Variants in RSPO4 observed in about 807,000 individuals in gnomAD.
RSPO4 encodes R-spondin-4.
Under a neutral mutation model 24.8 loss-of-function variants are expected in RSPO4, and 23 were observed. The observed-to-expected ratio is 0.93, with a 90% confidence interval of 0.67 to 1.31. The LOEUF is 1.31. Ranked by LOEUF, RSPO4 falls within the 40% of genes most tolerant of loss-of-function variation. The pLI is 0.00. For missense variants in RSPO4, 333 were observed against 316.5 expected, an observed-to-expected ratio of 1.05 and a Z score of -0.39; for synonymous variants, 141 against 127.4, an observed-to-expected ratio of 1.11 and a Z score of -0.72.
chr20:999,833 GA>G (rs1985406508), intron 1 of RSPO4, among the ~76,000 whole-genome samples: 1 of 152,096 alleles, frequency 6.6e-6, no homozygotes, highest in Non-Finnish European at 1.5e-5. Context: ...TTTGAGCTGA[GA>G]AGCATCTTAA....
chr20:968,397 C>T (rs753398159), intron 1 of RSPO4, among the ~76,000 whole-genome samples: 8 of 152,224 alleles, frequency 5.3e-5, no homozygotes, highest in Non-Finnish European at 8.8e-5. Context: ...CTTGTCGTCC[C>T]CTCATCCTTT....
At chr20:996,896 C>T (rs1256444372) in intron 1 of RSPO4, among the ~76,000 whole-genome samples, 2 of 152,204 alleles carry the variant, frequency 1.3e-5, no homozygotes, top group Non-Finnish European at 2.9e-5. Flanking sequence ...ACCTTACTGC[C>T]ACCTCTGCCT....
At chr20:1,000,327 T>A (rs1985422622) in intron 1 of RSPO4, among the ~76,000 whole-genome samples, 1 of 152,194 alleles carries the variant, frequency 6.6e-6, no homozygotes. Context: ...AGTTTCCTTC[T>A]CTGAACCTCA....
intron 1 of RSPO4, among the ~76,000 whole-genome samples, chr20:984,621 C>A (rs1342115431): frequency 6.6e-6 from 1 of 152,192 alleles, no homozygotes; most frequent in African/African-American, 2.4e-5. Flanking sequence ...TCACACCTGG[C>A]ACAAAGTGAG....
At chr20:973,164 A>G (rs1984459785) in intron 1 of RSPO4, among the ~76,000 whole-genome samples, 1 of 148,632 alleles carries the variant, frequency 6.7e-6, no homozygotes. Flanking sequence ...GCCTGGGGCC[A>G]TGGGGGTGAG....
At position 960,428 on chromosome 20, in the gene RSPO4, G is replaced by A. The variant is rs202178299; in HGVS notation, c.634C>T (p.Arg212Cys). ...PGQKKGRKDR[R>C]PRKDRKLDRR... ...TCCAGCTTCCTGTCCTTGCGTGGGCGCCGGTCCTTCCTGCCCTTCTTCTGG... is the reference window on the plus strand; with the variant it reads ...TCCAGCTTCCTGTCCTTGCGTGGGCACCGGTCCTTCCTGCCCTTCTTCTGG... The change falls in exon 5 of 5, where the codon CGC (arginine) becomes TGC (cysteine). Residue 212 changes from arginine (R) to cysteine (C), a missense_variant. By Grantham distance (180) the Arg-to-Cys change is radical. Transcript: ENST00000217260. The A allele has an allele frequency of 3.8e-5, 58 of 1,539,634 alleles. No individual in the cohort carries two copies. The East Asian group carries it at 4.9e-4, about 13-fold the overall frequency.
At chr20:996,781 C>G (rs148095954) in intron 1 of RSPO4, among the ~76,000 whole-genome samples, 132 of 152,254 alleles carry the variant, frequency 8.7e-4, no homozygotes, top group African/African-American at 3.1e-3. Flanking sequence ...CCCTCCATGA[C>G]GGGACTCTGG....
chr20:988,034 T>C (rs4813889), intron 1 of RSPO4, among the ~76,000 whole-genome samples: 48,557 of 152,232 alleles, frequency 0.32, 13,232 homozygotes, highest in African/African-American at 0.74. Flanking sequence ...GGGCCTGGGC[T>C]GCCTGGAAGG....
chr20:973,451 T>TTTTA (rs1984469852), intron 1 of RSPO4, among the ~76,000 whole-genome samples: 1 of 111,752 alleles, frequency 8.9e-6, no homozygotes. Context: ...TTGTTTTTTG[T>TTTTA]TTGTTTTATT....
rs141641562 is a variant in RSPO4 at position 970,354 on chromosome 20, C to G, written c.80-2216G>C. On this transcript the variant is annotated intron_variant, in intron 1 of 4. Coordinates refer to ENST00000217260, the MANE Select transcript of RSPO4 (RefSeq NM_001029871.4). This position sits in a 1 kb window ranked among gnomAD's most constrained non-coding sequence, Gnocchi z 4.1. ...GTCCTCACCTTCTGTTCCTTAGATT[C>G]GGTGAGGCCCCACATCCTGCTGATA... 3.2e-4 allele frequency among the ~76,000 whole-genome samples: 49 copies of G among 152,208 alleles called. No individual in the cohort carries two copies. The East Asian group carries it at 6.8e-3, about 21-fold the overall frequency.
At chr20:971,393 G>A (rs79484959) in intron 1 of RSPO4, among the ~76,000 whole-genome samples, 3,607 of 152,330 alleles carry the variant, frequency 0.024, 55 homozygotes, top group Non-Finnish European at 0.034. Flanking sequence ...TTGTATATGT[G>A]TAGAAAGAGA....
intron 3 of RSPO4, among the ~76,000 whole-genome samples, chr20:965,013 C>T (rs1416645751): frequency 1.3e-5 from 2 of 151,980 alleles, no homozygotes; most frequent in African/African-American, 4.8e-5. Flanking sequence ...CACAGTGGGA[C>T]CCAGACCTTG....
At chr20:985,861 G>T (rs1884114) in intron 1 of RSPO4, among the ~76,000 whole-genome samples, 24,487 of 152,228 alleles carry the variant, frequency 0.16, 2,827 homozygotes, top group East Asian at 0.36. Context: ...CTATGAACCA[G>T]AGGGAAACAG....
chr20:1,000,369 C>G (rs1219877793), intron 1 of RSPO4, among the ~76,000 whole-genome samples: 1 of 152,180 alleles, frequency 6.6e-6, no homozygotes, highest in African/African-American at 2.4e-5. Context: ...GCATCTCTCC[C>G]CTCCCTCCAC....
chr20:978,827 T>A (rs534788902), intron 1 of RSPO4, among the ~76,000 whole-genome samples: 1 of 152,000 alleles, frequency 6.6e-6, no homozygotes, highest in Non-Finnish European at 1.5e-5. Context: ...TACAAGATGA[T>A]ATTGTACTCA....
chr20:967,252 A>T lies in RSPO4; in HGVS notation c.331T>A (p.Phe111Ile). 1.2e-6 allele frequency: 2 copies of T among 1,614,182 alleles called. No individual in the cohort carries two copies. The highest frequency in any genetic ancestry group is 1.7e-6 in the Non-Finnish European group (2 of 1,180,040). ...AGACACTTCCCCTTGTACAAGTAAA[A>T]CTGCCTCTTGCACCGGATGCAGAAG... ...QDFCIRCKRQ[F>I]YLYKGKCLPT... Residue 111 changes from phenylalanine to isoleucine, a missense_variant, in exon 3 of 5, where the codon TTT becomes ATT. By Grantham distance (21) the Phe-to-Ile change is conservative. Coordinates refer to ENST00000217260, the MANE Select transcript of RSPO4 (RefSeq NM_001029871.4).
chr20:969,137 G>A (rs747051552), intron 1 of RSPO4, among the ~76,000 whole-genome samples: 2 of 152,162 alleles, frequency 1.3e-5, no homozygotes, highest in African/African-American at 2.4e-5. Context: ...ACAATATGGC[G>A]AGGCCCTGTC....
At position 970,616 on chromosome 20, in the gene RSPO4, G is replaced by C. The variant is rs981399492; in HGVS notation, c.80-2478C>G. Among the ~76,000 whole-genome samples, 6 of 152,098 alleles carry C rather than the reference G, an allele frequency of 3.9e-5. No homozygotes were observed. The highest frequency in any genetic ancestry group is 1.4e-4 in the African/African-American group (6 of 41,404). ...AGAGAGCAAGTGTGATGTTGTAAGG[G>C]AGATTCCCAGAGCCAGAGAAATAAG... On this transcript the variant is annotated intron_variant, in intron 1 of 4. Transcript: ENST00000217260. This position sits in a 1 kb window ranked among gnomAD's most constrained non-coding sequence, Gnocchi z 4.1.
chr20:973,205 A>G (rs925324528), intron 1 of RSPO4, among the ~76,000 whole-genome samples: 2 of 152,226 alleles, frequency 1.3e-5, no homozygotes, highest in African/African-American at 4.8e-5. Context: ...TATAGGACAA[A>G]CAGCCTGGTG....
Sources: gnomAD v4.1 joint callset for allele counts (sites outside exome capture counted in the v4.1 genomes callset) on GRCh38, gnomAD v4.1.1 for gene constraint, Gnocchi (gnomAD v3.1) non-coding constraint, MANE v1.5 for transcripts, NCBI Gene and HGNC (gene_info 2026-07-23, HGNC 2026-07-21) for gene names.